The following DLG1 variants were observed in gnomAD, a reference collection of about 807,000 sequenced individuals.
DLG1 encodes discs large MAGUK scaffold protein 1, also known as disks large homolog 1.
DLG1 carries 42 observed loss-of-function variants against 123.4 expected under a neutral mutation model. The ratio of observed to expected loss-of-function variants is 0.34; its 90% CI spans 0.27 to 0.44. The LOEUF (loss-of-function observed/expected upper bound fraction) is 0.44, where lower values mean the gene tolerates loss of function less well. Among genes scored for constraint, DLG1 ranks in the 20% least tolerant of loss-of-function variants. The probability of loss-of-function intolerance (pLI) is 1.00; values close to 1 mark genes in which losing one functional copy is unlikely to be tolerated. For missense variants in DLG1, 942 were observed against 1,082.6 expected (o/e 0.87, Z 1.82); for synonymous variants, 317 against 356.2 (o/e 0.89, Z 1.24).
intron 9 of DLG1, among the ~76,000 whole-genome samples, chr3:197,136,895 T>G (rs2149607657): frequency 6.6e-6 from 1 of 152,380 alleles, no homozygotes; most frequent in East Asian, 1.9e-4. Context: ...TTATCCCACA[T>G]GTTCCTTCTT....
At chr3:197,045,639 G>A (rs1722453697) in intron 24 of DLG1, among the ~76,000 whole-genome samples, 1 of 152,050 alleles carries the variant, frequency 6.6e-6, no homozygotes, top group Non-Finnish European at 1.5e-5. Flanking sequence ...TACTTGGGAG[G>A]CTGAGACAGG....
chr3:197,249,709 C>T (rs994344340), intron 4 of DLG1, among the ~76,000 whole-genome samples: 2 of 152,168 alleles, frequency 1.3e-5, no homozygotes, highest in Non-Finnish European at 1.5e-5. Flanking sequence ...TTAAAAGGAT[C>T]ACGCATCATA....
chr3:197,183,531 A>T (rs1262787868), intron 5 of DLG1: 1 of 1,510,506 alleles, frequency 6.6e-7, no homozygotes, highest in East Asian at 2.5e-5. Context: ...GAGCAAACGT[A>T]AACAGAAATA....
chr3:197,284,286 C>G (rs1336518273), intron 3 of DLG1, among the ~76,000 whole-genome samples: 1 of 152,120 alleles, frequency 6.6e-6, no homozygotes, highest in African/African-American at 2.4e-5. Flanking sequence ...ATTATATACA[C>G]ACATACGCAC....
intron 24 of DLG1, among the ~76,000 whole-genome samples, chr3:197,047,675 A>G (rs1269333515): frequency 6.6e-6 from 1 of 152,154 alleles, no homozygotes; most frequent in East Asian, 1.9e-4. Flanking sequence ...ACTACACAAT[A>G]GGGAAAGGCT....
intron 11 of DLG1, 73 bp from the exon 12 acceptor site, chr3:197,119,603 A>G: frequency 1.5e-6 from 2 of 1,377,916 alleles, no homozygotes; most frequent in Non-Finnish European, 9.7e-7. Context: ...ATGAGTGATT[A>G]ATGTGTAATT....
chr3:197,279,693 G>A (rs1293385971), intron 4 of DLG1, among the ~76,000 whole-genome samples: 7 of 152,098 alleles, frequency 4.6e-5, no homozygotes, highest in African/African-American at 1.7e-4. Context: ...TAGCGTTCTA[G>A]ATATGAGTGC....
At chr3:197,068,594 A>C (rs1741383946) in intron 19 of DLG1, 7 of 1,176,564 alleles carry the variant, frequency 5.9e-6, no homozygotes, top group Middle Eastern at 1.9e-4. Flanking sequence ...TTAATTTTTA[A>C]GGTGCTACAA....
intron 3 of DLG1, chr3:197,293,809 T>C (rs955307652): frequency 1.3e-5 from 2 of 153,660 alleles, no homozygotes; most frequent in Non-Finnish European, 2.9e-5. Flanking sequence ...ATCTAAGCAC[T>C]CAATGACTCC....
rs148518393 is a variant in DLG1 at position 197,263,655 on chromosome 3, C to T, written c.318+19024G>A. On this transcript the variant is annotated intron_variant, in intron 4 of 24. Coordinates refer to ENST00000667157, the MANE Select transcript of DLG1 (RefSeq NM_001366207.1). The stretch of plus-strand genomic sequence containing the variant: ...TACAAAAATTAGCCAGGCGTGGTGG[C>T]GCATGCCTGTAATCCCAGCTACTCG... 4.7e-3 allele frequency among the ~76,000 whole-genome samples: 722 copies of T among 152,058 alleles called. 2 individuals carry two copies. Among genetic ancestry groups the T allele is most frequent in the African/African-American group, 0.017 (686 of 41,496 alleles).
chr3:197,293,845 T>G (rs1303441208), intron 3 of DLG1: 2 of 153,546 alleles, frequency 1.3e-5, no homozygotes, highest in Non-Finnish European at 1.5e-5. Flanking sequence ...CCAAGACCCC[T>G]GTTCTCCTTT....
At chr3:197,222,889 G>C (rs775604343) in intron 4 of DLG1, among the ~76,000 whole-genome samples, 1 of 152,126 alleles carries the variant, frequency 6.6e-6, no homozygotes, top group African/African-American at 2.4e-5. Context: ...GTAAAGGCAA[G>C]AACTTTCAAG....
intron 4 of DLG1, among the ~76,000 whole-genome samples, chr3:197,271,792 G>C (rs1764013834): frequency 6.6e-6 from 1 of 152,158 alleles, no homozygotes. Context: ...GATGCGTGCT[G>C]AAGTTTTAAT....
At chr3:197,262,824 G>C (rs1193798186) in intron 4 of DLG1, among the ~76,000 whole-genome samples, 1 of 152,138 alleles carries the variant, frequency 6.6e-6, no homozygotes, top group African/African-American at 2.4e-5. Context: ...GCTGTGTTGA[G>C]AGCAGAGGGA....
In DLG1 at chr3:197,147,432, GCACACACACACACA is replaced by G. The variant is rs67643945; in HGVS notation, c.537+2297_537+2310del. 3.3e-4 allele frequency among the ~76,000 whole-genome samples: 49 copies of G among 147,186 alleles called. No homozygotes were observed. In the South Asian group the frequency reaches 4.0e-3, roughly 12 times the overall value. ...TGAGTGGATAAAAAATATATGGTGT[GCACACACACACACA>G]CACACACACACACACACACACACAC... is the stretch of plus-strand genomic sequence containing the variant. On this transcript the variant is annotated intron_variant, in intron 6 of 24. Coordinates refer to ENST00000667157, the MANE Select transcript of DLG1 (RefSeq NM_001366207.1).
rs911189133 is a variant in DLG1 at position 197,119,423 on chromosome 3, C to A, written c.1273G>T (p.Asp425Tyr). Residue 425 changes from aspartate to tyrosine, a missense_variant, in exon 12 of 25, where the codon GAT (aspartate) becomes TAT (tyrosine). Transcript: ENST00000667157. ...TAACTTCCTTACCTTGTAATTTCAT[C>A]ATCTCCAAGTACTGCTTTAGAAACT... ...SPVSKAVLGDDEITREPRKVV... is the reference protein window; with the variant it reads ...SPVSKAVLGDYEITREPRKVV... 1 of 1,600,986 alleles carries A rather than the reference C, an allele frequency of 6.2e-7. No individual in the cohort carries two copies. Among genetic ancestry groups the A allele is most frequent in the Non-Finnish European group, 8.5e-7 (1 of 1,172,622 alleles).
chr3:197,263,076 G>A (rs193150413), intron 4 of DLG1, among the ~76,000 whole-genome samples: 2 of 152,168 alleles, frequency 1.3e-5, no homozygotes, highest in East Asian at 3.9e-4. Flanking sequence ...TTTTTAAGCA[G>A]AATACTGAAA....
intron 14 of DLG1, among the ~76,000 whole-genome samples, chr3:197,092,211 G>A (rs1758129083): frequency 6.6e-6 from 1 of 152,132 alleles, no homozygotes. Context: ...TATATCATGA[G>A]TTTATACTGG....
intron 10 of DLG1, among the ~76,000 whole-genome samples, chr3:197,134,401 G>A (rs1784101265): frequency 7.2e-6 from 1 of 138,686 alleles, no homozygotes; most frequent in Admixed American, 7.8e-5. Flanking sequence ...TCCCATGACA[G>A]TCAAGTAAAA....
Sources: gnomAD v4.1 joint callset for allele counts (sites outside exome capture counted in the v4.1 genomes callset) on GRCh38, gnomAD v4.1.1 for gene constraint, MANE v1.5 for transcripts, NCBI Gene and HGNC (gene_info 2026-07-23, HGNC 2026-07-21) for gene names.